Variants in CHN1 observed in about 807,000 individuals in gnomAD.
The protein encoded by CHN1 is chimerin 1.
A neutral mutation model predicts 59.5 loss-of-function variants in CHN1; 37 were observed. The observed-to-expected ratio is 0.62, with a 90% confidence interval of 0.48 to 0.82. The LOEUF (loss-of-function observed/expected upper bound fraction) is 0.82. Ranked by LOEUF, CHN1 falls within the 40% of genes least tolerant of loss-of-function variation. The pLI, the probability that CHN1 is intolerant of heterozygous loss-of-function variation, is 0.00. For missense variants in CHN1, 469 were observed against 571.0 expected (o/e 0.82, Z 1.82); for synonymous variants, 206 against 200.4 (o/e 1.03, Z -0.24).
intron 5 of CHN1, among the ~76,000 whole-genome samples, chr2:174,910,222 T>C (rs1464916404): frequency 1.3e-5 from 2 of 152,210 alleles, no homozygotes; most frequent in African/African-American, 4.8e-5. Context: ...ATACATACAA[T>C]GTTTATTTTT....
intron 5 of CHN1, among the ~76,000 whole-genome samples, chr2:174,890,635 G>A (rs756138992): frequency 3.9e-5 from 6 of 152,036 alleles, no homozygotes; most frequent in Non-Finnish European, 7.4e-5. Context: ...CATAATAGCA[G>A]GAAATTTCAA....
chr2:174,806,890 G>A (rs1442771526), intron 11 of CHN1, among the ~76,000 whole-genome samples: 1 of 152,126 alleles, frequency 6.6e-6, no homozygotes, highest in African/African-American at 2.4e-5. Flanking sequence ...TATTAAACAT[G>A]TACAACAAAC....
chr2:174,831,044 A>T (rs1327768512), intron 7 of CHN1, among the ~76,000 whole-genome samples: 1 of 152,216 alleles, frequency 6.6e-6, no homozygotes, highest in Admixed American at 6.5e-5. Context: ...CTACAGGGAA[A>T]AGCTGGTAAA....
intron 1 of CHN1, among the ~76,000 whole-genome samples, chr2:174,978,433 A>G (rs1691028723): frequency 6.6e-6 from 1 of 152,238 alleles, no homozygotes; most frequent in Non-Finnish European, 1.5e-5. Context: ...ATGGCAGCAC[A>G]GGGCATTAAA....
At chr2:174,873,333 A>C (rs146958341) in intron 6 of CHN1, among the ~76,000 whole-genome samples, 2 of 152,188 alleles carry the variant, frequency 1.3e-5, no homozygotes, top group Non-Finnish European at 2.9e-5. Context: ...TTGAGCATGA[A>C]CAAGGAATGA....
chr2:174,887,340 T>G (rs911358996), intron 5 of CHN1, among the ~76,000 whole-genome samples: 9 of 152,132 alleles, frequency 5.9e-5, no homozygotes, highest in African/African-American at 1.9e-4. Context: ...ACTTGTTGAT[T>G]TGTAATGGCT....
intron 7 of CHN1, among the ~76,000 whole-genome samples, chr2:174,841,447 A>G (rs1006010044): frequency 6.6e-6 from 1 of 152,220 alleles, no homozygotes; most frequent in Non-Finnish European, 1.5e-5. Context: ...CAATGTTTAC[A>G]GGGACTTTAA....
intron 7 of CHN1, among the ~76,000 whole-genome samples, chr2:174,834,458 A>G (rs936865186): frequency 6.6e-6 from 1 of 152,202 alleles, no homozygotes; most frequent in African/African-American, 2.4e-5. Flanking sequence ...CCTAGGGATG[A>G]ATTCACTCAG....
At chr2:174,879,730 C>T (rs1261311939) in intron 5 of CHN1, among the ~76,000 whole-genome samples, 2 of 151,978 alleles carry the variant, frequency 1.3e-5, no homozygotes, top group Non-Finnish European at 2.9e-5. Flanking sequence ...GCATTGAGTC[C>T]CTTTATATTT....
chr2:174,935,246 C>A (rs1689462896), intron 3 of CHN1, among the ~76,000 whole-genome samples: 1 of 152,180 alleles, frequency 6.6e-6, no homozygotes, highest in Non-Finnish European at 1.5e-5. Context: ...GCTCCATTCC[C>A]CACCTAGACT....
chr2:174,831,972 C>T (rs1198651593), intron 7 of CHN1, among the ~76,000 whole-genome samples: 3 of 152,118 alleles, frequency 2.0e-5, no homozygotes, highest in East Asian at 3.8e-4. Flanking sequence ...AATCTCTATA[C>T]CTACATTATA....
At chr2:174,864,735 A>G (rs1439477459) in intron 6 of CHN1, among the ~76,000 whole-genome samples, 1 of 152,102 alleles carries the variant, frequency 6.6e-6, no homozygotes, top group Non-Finnish European at 1.5e-5. Flanking sequence ...ATGGTGGTGC[A>G]TGCCTGTAGT....
intron 1 of CHN1, among the ~76,000 whole-genome samples, chr2:175,000,909 T>C (rs1358813323): frequency 6.6e-6 from 1 of 152,186 alleles, no homozygotes; most frequent in African/African-American, 2.4e-5. Flanking sequence ...TGGGTTTTCT[T>C]ATTTTTACTC....
intron 6 of CHN1, among the ~76,000 whole-genome samples, chr2:174,867,301 C>A (rs985731526): frequency 6.6e-6 from 1 of 151,078 alleles, no homozygotes; most frequent in Non-Finnish European, 1.5e-5. Flanking sequence ...CACCTGAACT[C>A]GGGAGATGGA....
intron 11 of CHN1, among the ~76,000 whole-genome samples, chr2:174,807,106 G>T (rs913791128): frequency 6.6e-6 from 1 of 152,120 alleles, no homozygotes; most frequent in Non-Finnish European, 1.5e-5. Flanking sequence ...ACTCCATAAC[G>T]ATGACAAATG....
chr2:174,886,917 ATAT>A (rs1687913132), intron 5 of CHN1, among the ~76,000 whole-genome samples: 1 of 152,202 alleles, frequency 6.6e-6, no homozygotes, highest in South Asian at 2.1e-4. Context: ...GTTTTGGCAT[ATAT>A]TATTATCATG....
In CHN1 at chr2:174,916,929, C is replaced by T. The variant is rs181170478; in HGVS notation, c.146+1605G>A. 4.5e-3 allele frequency among the ~76,000 whole-genome samples: 692 copies of T among 152,328 alleles called. 6 individuals are homozygous for T. Among genetic ancestry groups the T allele is most frequent in the South Asian group, 0.012 (57 of 4,824 alleles). ...TTAACTGGCTGGGCGCAGTAGCTCA[C>T]GCCTGTAATGCCAGCACTTTGGAAA... On this transcript the variant is annotated intron_variant, in intron 4 of 12. Transcript: ENST00000409900.
chr2:174,819,423 A>C (rs550403198), intron 8 of CHN1, among the ~76,000 whole-genome samples: 1 of 152,326 alleles, frequency 6.6e-6, no homozygotes, highest in African/African-American at 2.4e-5. Context: ...CATTAAACTG[A>C]TATGTCTGAT....
intron 1 of CHN1, among the ~76,000 whole-genome samples, chr2:174,985,564 G>C (rs1691311866): frequency 6.6e-6 from 1 of 152,022 alleles, no homozygotes. Flanking sequence ...CTAGAAATGA[G>C]ACATATAGAC....
Sources: allele counts gnomAD v4.1 joint callset (sites outside exome capture counted in the v4.1 genomes callset), GRCh38; gene constraint gnomAD v4.1.1; transcripts MANE v1.5; gene names NCBI Gene and HGNC (gene_info 2026-07-23, HGNC 2026-07-21).